Variants in NUDT9 observed in about 807,000 individuals in gnomAD.
The protein encoded by NUDT9 is nudix hydrolase 9, also known as ADP-ribose pyrophosphatase.
NUDT9 carries 31 observed loss-of-function variants against 41.0 expected under a neutral mutation model. The ratio of observed to expected loss-of-function variants is 0.76; its 90% CI spans 0.57 to 1.02. The LOEUF (loss-of-function observed/expected upper bound fraction) is 1.02. NUDT9 is among the 50% of genes least tolerant of loss of function. NUDT9 has a pLI of 0.00. For synonymous variants in NUDT9, 146 were observed against 147.6 expected (o/e 0.99, Z 0.08); for missense variants, 380 against 431.4 (o/e 0.88, Z 1.06).
chr4:87,424,254 G>GTTTTTTTTTTTGTTT (rs1491208372), intron 1 of NUDT9, among the ~76,000 whole-genome samples: 1 of 99,180 alleles, frequency 1.0e-5, no homozygotes, highest in East Asian at 3.6e-4. Flanking sequence ...TCCCTAATGC[G>GTTTTTTTTTTTGTTT]TTTTTTTTTT....
At chr4:87,453,800 G>A (rs1722862568) in intron 6 of NUDT9, among the ~76,000 whole-genome samples, 1 of 151,800 alleles carries the variant, frequency 6.6e-6, no homozygotes, top group South Asian at 2.1e-4. Context: ...ACAAGCACAT[G>A]AAGTACTACA....
At chr4:87,441,108 A>C (rs1006694514) in intron 3 of NUDT9, among the ~76,000 whole-genome samples, 3 of 152,308 alleles carry the variant, frequency 2.0e-5, no homozygotes, top group Middle Eastern at 3.4e-3. Context: ...ACTTTCATAT[A>C]GTGGGAGGGC....
intron 6 of NUDT9, among the ~76,000 whole-genome samples, chr4:87,452,856 G>C (rs1722819012): frequency 7.3e-6 from 1 of 136,614 alleles, no homozygotes; most frequent in Non-Finnish European, 1.5e-5. Context: ...CTTGTCCCCA[G>C]GCTGGAGTGC....
chr4:87,433,185 A>G (rs1004223718), intron 1 of NUDT9, among the ~76,000 whole-genome samples: 4 of 152,210 alleles, frequency 2.6e-5, no homozygotes, highest in Admixed American at 2.0e-4. Flanking sequence ...TTTTAAAATT[A>G]TTTATACAAC....
chr4:87,423,080 T>C (rs1721223369), intron 1 of NUDT9, 68 bp downstream of exon 1: 8 of 1,181,750 alleles, frequency 6.8e-6, no homozygotes, highest in Non-Finnish European at 8.6e-6. Flanking sequence ...AGCAGCTTTT[T>C]TTTCTGGCGT....
chr4:87,435,829 T>C (rs550486106), intron 2 of NUDT9, among the ~76,000 whole-genome samples: 69 of 152,306 alleles, frequency 4.5e-4, no homozygotes, highest in Admixed American at 2.5e-3. Context: ...CAAGTAACTA[T>C]ATATATTTAA....
intron 2 of NUDT9, 119 bp from the exon 3 acceptor site, chr4:87,438,158 C>A: frequency 2.5e-4 from 96 of 378,284 alleles, no homozygotes; most frequent in East Asian, 7.3e-4. Context: ...AAAAAACTAA[C>A]CCTTAAAAAT....
chr4:87,428,092 C>T (rs1560786762), intron 1 of NUDT9, among the ~76,000 whole-genome samples: 1 of 152,120 alleles, frequency 6.6e-6, no homozygotes, highest in South Asian at 2.1e-4. Context: ...TACTCGCTCA[C>T]GTTACACTAG....
In NUDT9 at chr4:87,449,219, A is replaced by G; in HGVS notation, c.608A>G (p.Lys203Arg). Residue 203 changes from lysine to arginine, a missense_variant, in exon 5 of 8, where the codon AAA (lysine) becomes AGA (arginine). Transcript: ENST00000302174. ...GKHILQFVAIKRKDCGEWAIP... is the reference protein window; with the variant it reads ...GKHILQFVAIRRKDCGEWAIP... ...CATATCTTACAATTTGTTGCAATAA[A>G]AAGGAAAGACTGTGGAGAATGGGCA... The G allele has an allele frequency of 1.9e-6, 3 of 1,609,526 alleles. No homozygotes were observed. Among genetic ancestry groups the G allele is most frequent in the Non-Finnish European group, 2.6e-6 (3 of 1,175,934 alleles).
intron 3 of NUDT9, 52 bp from the exon 4 acceptor site, chr4:87,441,777 G>A (rs1578073607): frequency 2.1e-6 from 3 of 1,416,666 alleles, no homozygotes; most frequent in East Asian, 4.7e-5. Context: ...ATCAAATCAG[G>A]TTAAAAAGAT....
chr4:87,422,920 C>T lies in NUDT9; in HGVS notation c.15C>T (p.Leu5=). The part of the protein sequence containing the change: MAGR[L]LGKALAAVSL... The stretch of plus-strand genomic sequence containing the variant: ...TCGGGGCGCTCATGGCGGGACGCCT[C>T]CTGGGAAAGGCTTTAGCCGCGGTGT... The change falls in exon 1 of 8, where the codon CTC becomes CTT. Residue 5 remains leucine, a synonymous_variant. Coordinates refer to ENST00000302174, the MANE Select transcript of NUDT9 (RefSeq NM_024047.5). 1 of 1,611,106 alleles carries T rather than the reference C, an allele frequency of 6.2e-7. No individual in the cohort carries two copies. Among genetic ancestry groups the T allele is most frequent in the Admixed American group, 1.7e-5 (1 of 59,890 alleles).
At chr4:87,445,188 C>T (rs1722390805) in intron 4 of NUDT9, 1 of 152,158 alleles carries the variant, frequency 6.6e-6, no homozygotes, top group Non-Finnish European at 1.5e-5. Context: ...TAGAGACTCA[C>T]TGGGGTTAAG....
chr4:87,451,932 T>C (rs773435084), intron 6 of NUDT9, among the ~76,000 whole-genome samples, 197 bp downstream of exon 6: 4 of 152,136 alleles, frequency 2.6e-5, no homozygotes, highest in Non-Finnish European at 4.4e-5. Flanking sequence ...AACTTTAGGC[T>C]ATATAGGCTA....
rs778673912 is a variant in NUDT9 at position 87,451,728 on chromosome 4, A to G, written c.782A>G (p.His261Arg). Reference sequence around the variant, plus strand: ...TTGCACAAACTCTTCAGCCAAGACCACCTAGTGGTAAGAAATAGTGTTTCT... The same window carrying G: ...TTGCACAAACTCTTCAGCCAAGACCGCCTAGTGGTAAGAAATAGTGTTTCT... Reference protein sequence around the residue: ...EKLHKLFSQDHLVIYKGYVDD... With the variant: ...EKLHKLFSQDRLVIYKGYVDD... Residue 261 changes from histidine to arginine, a missense_variant, in exon 6 of 8, where the codon CAC (histidine) becomes CGC (arginine). By Grantham distance (29) the His-to-Arg change is conservative. Coordinates refer to ENST00000302174, the MANE Select transcript of NUDT9 (RefSeq NM_024047.5). 10 of 1,613,126 alleles carry G rather than the reference A, an allele frequency of 6.2e-6. No individual in the cohort carries two copies. Among genetic ancestry groups the G allele is most frequent in the Non-Finnish European group, 8.5e-6 (10 of 1,179,724 alleles).
At chr4:87,448,895 C>T (rs1399750398) in intron 4 of NUDT9, among the ~76,000 whole-genome samples, 1 of 151,996 alleles carries the variant, frequency 6.6e-6, no homozygotes, top group Non-Finnish European at 1.5e-5. Context: ...TTGTTTATAT[C>T]CTGAATTTTC....
At chr4:87,426,959 C>A (rs1721453900) in intron 1 of NUDT9, among the ~76,000 whole-genome samples, 1 of 146,636 alleles carries the variant, frequency 6.8e-6, no homozygotes. Context: ...AAAAACTAAA[C>A]CAAAAAAAAA....
intron 5 of NUDT9, among the ~76,000 whole-genome samples, chr4:87,450,378 C>CTTTTTTTT (rs59228872): frequency 1.2e-4 from 12 of 102,304 alleles, no homozygotes; most frequent in East Asian, 5.6e-4. Flanking sequence ...TTTTCTTTTT[C>CTTTTTTTT]TTTTTTTTTT....
At chr4:87,455,663 T>C (rs540482526) in intron 7 of NUDT9, among the ~76,000 whole-genome samples, 1 of 151,142 alleles carries the variant, frequency 6.6e-6, no homozygotes, top group East Asian at 1.9e-4. Context: ...TTTTTCTTTT[T>C]TTTTTTTTTT....
At chr4:87,452,164 G>A (rs1225489141) in intron 6 of NUDT9, among the ~76,000 whole-genome samples, 3 of 151,840 alleles carry the variant, frequency 2.0e-5, no homozygotes, top group Non-Finnish European at 2.9e-5. Flanking sequence ...CACCACGCCC[G>A]GCTAATTTTT....
Sources: allele counts gnomAD v4.1 joint callset (sites outside exome capture counted in the v4.1 genomes callset), GRCh38; gene constraint gnomAD v4.1.1; transcripts MANE v1.5; gene names NCBI Gene and HGNC (gene_info 2026-07-23, HGNC 2026-07-21).